The following PEX3 variants were observed in gnomAD, a reference collection of about 807,000 sequenced individuals.
The protein encoded by PEX3 is peroxin-3.
A neutral mutation model predicts 55.8 loss-of-function variants in PEX3; 30 were observed. The observed-to-expected ratio is 0.54, with a 90% CI of 0.40 to 0.73. The LOEUF (loss-of-function observed/expected upper bound fraction) is 0.73, where lower values mean the gene tolerates loss of function less well. Ranked by LOEUF, PEX3 falls within the 30% of genes least tolerant of loss-of-function variation. PEX3 has a pLI of 0.00. For missense variants in PEX3, 351 were observed against 432.8 expected (o/e 0.81, Z 1.68); for synonymous variants, 135 against 148.4 (o/e 0.91, Z 0.66).
rs1262927868 is a variant in PEX3, at chr6:143,459,873, C to T, written c.205+657C>T. Among the ~76,000 whole-genome samples the T allele has an allele frequency of 2.0e-5, 3 of 152,180 alleles. No individual in the cohort carries two copies. Among genetic ancestry groups the T allele is most frequent in the African/African-American group, 7.2e-5 (3 of 41,422 alleles). Reference sequence around the variant, plus strand: ...CAACTATAGACCTGTGAGTCGTCCACAATAGTATACACTCAGGCAATGTTA... The same window carrying T: ...CAACTATAGACCTGTGAGTCGTCCATAATAGTATACACTCAGGCAATGTTA... On this transcript the variant is annotated intron_variant, in intron 2 of 11. Transcript: ENST00000367591. This position sits in a 1 kb window ranked among gnomAD's most constrained non-coding sequence, Gnocchi z 4.2.
rs748456607 is a variant in PEX3, at chr6:143,471,529, G to C, written c.524-28G>C. On this transcript the variant is annotated intron_variant, in intron 6 of 11. Transcript: ENST00000367591. This position sits in a 1 kb window ranked among gnomAD's most constrained non-coding sequence, Gnocchi z 5.4. ...TTGAGGAATTTTTAAACTAAGCAAG[G>C]CTTTTAGGTTTGTTTTTTCTTTAAT... 3 of 1,590,484 alleles carry C rather than the reference G, an allele frequency of 1.9e-6. No individual in the cohort carries two copies. Among genetic ancestry groups the C allele is most frequent in the African/African-American group, 2.7e-5 (2 of 74,468 alleles).
intron 1 of PEX3, among the ~76,000 whole-genome samples, chr6:143,455,638 A>G (rs1192652425): frequency 6.6e-6 from 1 of 152,180 alleles, no homozygotes; most frequent in Non-Finnish European, 1.5e-5. Context: ...GAAGGATTCT[A>G]AAAACATGAG....
chr6:143,488,932 C>T lies in PEX3; in HGVS notation c.1039-211C>T, dbSNP rs1203315647. ...TTTGTCCCTCAAAGTCACACTTGAA[C>T]GCTTATGATACCATCATCCCTCATA... is the stretch of plus-strand genomic sequence containing the variant. On this transcript the variant is annotated intron_variant, in intron 11 of 11. Transcript: ENST00000367591. The surrounding 1 kb of genome is among the most constrained non-coding windows in gnomAD (Gnocchi z 4.9). Among the ~76,000 whole-genome samples, 1 of 152,070 alleles carries T rather than the reference C, an allele frequency of 6.6e-6. No individual in the cohort carries two copies. The highest frequency in any genetic ancestry group is 1.9e-4 in the East Asian group (1 of 5,190).
At position 143,487,686 on chromosome 6, in the gene PEX3, T is replaced by C. The variant is rs936995855; in HGVS notation, c.1039-1457T>C. Among the ~76,000 whole-genome samples the C allele has an allele frequency of 3.3e-5, 5 of 152,152 alleles. No individual in the cohort carries two copies. The highest frequency in any genetic ancestry group is 1.9e-4 in the East Asian group (1 of 5,202). On this transcript the variant is annotated intron_variant, in intron 11 of 11. Coordinates refer to ENST00000367591, the MANE Select transcript of PEX3 (RefSeq NM_003630.3). This position sits in a 1 kb window ranked among gnomAD's most constrained non-coding sequence, Gnocchi z 5.3. Reference sequence around the variant, plus strand: ...GACCTGTCTGCTACTGTTCATGCTGTTGAGCATTCAGCCTGCATTTTCTGA... The same window carrying C: ...GACCTGTCTGCTACTGTTCATGCTGCTGAGCATTCAGCCTGCATTTTCTGA...
rs1157637718 is a variant in PEX3 at position 143,489,045 on chromosome 6, A to G, written c.1039-98A>G. The G allele has an allele frequency of 3.6e-6, 3 of 842,572 alleles. No individual in the cohort carries two copies. The highest frequency in any genetic ancestry group is 3.5e-5 in the Admixed American group (2 of 56,352). The allele number at this position is 842,572 out of a possible 1,614,324, so 52.2% of individuals were successfully genotyped here. ...AATGGTTTGCCTCTTGGCCTTTACC[A>G]CAAAACTTAGAGCTGAATTCATCGC... On this transcript the variant is annotated intron_variant, in intron 11 of 11. Coordinates refer to ENST00000367591, the MANE Select transcript of PEX3 (RefSeq NM_003630.3). This position sits in a 1 kb window ranked among gnomAD's most constrained non-coding sequence, Gnocchi z 5.5.
chr6:143,484,294 G>A (rs1286841651), intron 10 of PEX3, among the ~76,000 whole-genome samples: 2 of 152,008 alleles, frequency 1.3e-5, no homozygotes, highest in Non-Finnish European at 2.9e-5. Context: ...TGTAGTCCAG[G>A]CAAGAGATAA....
chr6:143,471,270 AT>A lies in PEX3; in HGVS notation c.457-108del. 9.4e-7 allele frequency: 1 copy of A among 1,064,622 alleles called. No individual in the cohort carries two copies. Among genetic ancestry groups the A allele is most frequent in the South Asian group, 1.4e-5 (1 of 72,088 alleles). 65.9% of individuals were successfully genotyped at this position (1,064,622 alleles called of 1,614,324 possible). A position where few individuals can be genotyped will look rare whatever the true frequency, so the allele number is the denominator to read the frequency against. The stretch of plus-strand genomic sequence containing the variant: ...AATTTTTGGTGTGTTAAAAATTACT[AT>A]TTTTCCCGTCATTTCAGATCTTGAA... On this transcript the variant is annotated intron_variant, in intron 5 of 11. Transcript: ENST00000367591. The surrounding 1 kb of genome is among the most constrained non-coding windows in gnomAD (Gnocchi z 5.4).
Position 143,451,532 on chromosome 6 carries a change from G to A in PEX3, c.73+417G>A, listed in dbSNP as rs1256783529. Among the ~76,000 whole-genome samples the A allele has an allele frequency of 6.6e-6, 1 of 152,222 alleles. No individual in the cohort carries two copies. Among genetic ancestry groups the A allele is most frequent in the Non-Finnish European group, 1.5e-5 (1 of 68,044 alleles). ...AGGAGTTTAATAATAATCTAGGGAAGTTACCTATAGGCTGCACTTCGGGTG... is the reference window on the plus strand; with the variant it reads ...AGGAGTTTAATAATAATCTAGGGAAATTACCTATAGGCTGCACTTCGGGTG... On this transcript the variant is annotated intron_variant, in intron 1 of 11. Coordinates refer to ENST00000367591, the MANE Select transcript of PEX3 (RefSeq NM_003630.3). The surrounding 1 kb of genome is among the most constrained non-coding windows in gnomAD (Gnocchi z 4.1).
Position 143,483,730 on chromosome 6 carries a change from G to A in PEX3, c.942-1422G>A, listed in dbSNP as rs1780274230. On this transcript the variant is annotated intron_variant, in intron 10 of 11. Transcript: ENST00000367591. This position sits in a 1 kb window ranked among gnomAD's most constrained non-coding sequence, Gnocchi z 4.3. ...ATTGGGTAAACAGGGACTGGGGCAG[G>A]ACAGACAAATGGATGAATGAAGACT... Among the ~76,000 whole-genome samples the A allele has an allele frequency of 6.6e-6, 1 of 152,076 alleles. No homozygotes were observed. Among genetic ancestry groups the A allele is most frequent in the East Asian group, 1.9e-4 (1 of 5,196 alleles).
chr6:143,451,057 A>G lies in PEX3; in HGVS notation c.15A>G (p.Val5=), dbSNP rs1322815851. 1.2e-6 allele frequency: 2 copies of G among 1,613,214 alleles called. No homozygotes were observed. The highest frequency in any genetic ancestry group is 2.7e-5 in the African/African-American group (2 of 74,888). ...AGGGCCTAAAGATGCTGAGGTCTGTATGGAATTTTCTGAAACGCCACAAAA... is the reference window on the plus strand; with the variant it reads ...AGGGCCTAAAGATGCTGAGGTCTGTGTGGAATTTTCTGAAACGCCACAAAA... MLRS[V]WNFLKRHKKK... is the part of the protein sequence containing the mutation. Residue 5 remains valine, a synonymous_variant, in exon 1 of 12, where the codon GTA becomes GTG. Coordinates refer to ENST00000367591, the MANE Select transcript of PEX3 (RefSeq NM_003630.3). This position sits in a 1 kb window ranked among gnomAD's most constrained non-coding sequence, Gnocchi z 4.1.
chr6:143,479,957 A>G lies in PEX3; in HGVS notation c.941+759A>G, dbSNP rs916864913. Among the ~76,000 whole-genome samples the G allele has an allele frequency of 2.0e-5, 3 of 152,082 alleles. No homozygotes were observed. Among genetic ancestry groups the G allele is most frequent in the Non-Finnish European group, 2.9e-5 (2 of 67,946 alleles). ...AAATTTGAGACACATCCTTTGAAGT[A>G]GCTTTAAAATTTTTTTTTTAATTGG... is the stretch of plus-strand genomic sequence containing the variant. On this transcript the variant is annotated intron_variant, in intron 10 of 11. Transcript: ENST00000367591. This position sits in a 1 kb window ranked among gnomAD's most constrained non-coding sequence, Gnocchi z 4.6.
rs1412007763 is a variant in PEX3 at position 143,485,446 on chromosome 6, T to G, written c.1038+198T>G. On this transcript the variant is annotated intron_variant, in intron 11 of 11. Transcript: ENST00000367591. The surrounding 1 kb of genome is among the most constrained non-coding windows in gnomAD (Gnocchi z 5.6). ...AGCAAATGTGTAAGTTTGGAGTACC[T>G]TTCTCCGTGTTGTAGTCCAACACTG... Among the ~76,000 whole-genome samples the G allele has an allele frequency of 6.6e-6, 1 of 152,046 alleles. No individual in the cohort carries two copies. The highest frequency in any genetic ancestry group is 2.4e-5 in the African/African-American group (1 of 41,398).
chr6:143,456,555 C>T (rs1157264384), intron 1 of PEX3, among the ~76,000 whole-genome samples: 1 of 152,204 alleles, frequency 6.6e-6, no homozygotes, highest in Non-Finnish European at 1.5e-5. Context: ...TTGGTTCCTT[C>T]TGCAGAGTGT....
In PEX3 at chr6:143,462,996, A is replaced by G. The variant is rs1779946050; in HGVS notation, c.286A>G (p.Arg96Gly). ...GAGCCTCACAGCTCTGCTAAAAAAC[A>G]GGTAAATGCAAGTTACAGCATTTTC... ...SESLTALLKN[R>G]PSNKLEIWED... is the part of the protein sequence containing the mutation. Residue 96 changes from arginine (R) to glycine (G), a missense_variant and splice_region_variant, in exon 3 of 12, where the codon AGG becomes GGG. Coordinates refer to ENST00000367591, the MANE Select transcript of PEX3 (RefSeq NM_003630.3). The surrounding 1 kb of genome is among the most constrained non-coding windows in gnomAD (Gnocchi z 4.1). The G allele has an allele frequency of 6.2e-7, 1 of 1,608,832 alleles. No individual in the cohort carries two copies.
rs991073567 is a variant in PEX3 at position 143,463,365 on chromosome 6, T to G, written c.287+368T>G. ...TGCTTCTTTCTGAAAGAGCTTACGG[T>G]GTAATACAGCATGTGAACATACGTT... On this transcript the variant is annotated intron_variant, in intron 3 of 11. Transcript: ENST00000367591. This position sits in a 1 kb window ranked among gnomAD's most constrained non-coding sequence, Gnocchi z 5.7. Among the ~76,000 whole-genome samples, 8 of 152,230 alleles carry G rather than the reference T, an allele frequency of 5.3e-5. No homozygotes were observed. The highest frequency in any genetic ancestry group is 2.6e-4 in the Admixed American group (4 of 15,286).
rs147912686 is a variant in PEX3, at chr6:143,464,488, A to T, written c.287+1491A>T. On this transcript the variant is annotated intron_variant, in intron 3 of 11. Coordinates refer to ENST00000367591, the MANE Select transcript of PEX3 (RefSeq NM_003630.3). This position sits in a 1 kb window ranked among gnomAD's most constrained non-coding sequence, Gnocchi z 5.8. Reference sequence around the variant, plus strand: ...AAAAGTAAAAGGAAAATTTAGGAGTATCAAAAAAACCAAAGGATTAATTTT... The same window carrying T: ...AAAAGTAAAAGGAAAATTTAGGAGTTTCAAAAAAACCAAAGGATTAATTTT... 1.2e-4 allele frequency among the ~76,000 whole-genome samples: 19 copies of T among 152,166 alleles called. No individual in the cohort carries two copies. The East Asian group carries it at 3.5e-3, about 28-fold the overall frequency.
rs1274889926 is a variant in PEX3 at position 143,453,499 on chromosome 6, T to G, written c.73+2384T>G. 6.6e-6 allele frequency among the ~76,000 whole-genome samples: 1 copy of G among 151,986 alleles called. No homozygotes were observed. Among genetic ancestry groups the G allele is most frequent in the Non-Finnish European group, 1.5e-5 (1 of 68,000 alleles). ...GGTTTGGGTGTGTTCGGGTTTTGTGTTTTTTTGTTTTTTTGTTTTTCAGAC... is the reference window on the plus strand; with the variant it reads ...GGTTTGGGTGTGTTCGGGTTTTGTGGTTTTTTGTTTTTTTGTTTTTCAGAC... On this transcript the variant is annotated intron_variant, in intron 1 of 11. Coordinates refer to ENST00000367591, the MANE Select transcript of PEX3 (RefSeq NM_003630.3). This position sits in a 1 kb window ranked among gnomAD's most constrained non-coding sequence, Gnocchi z 4.6.
rs776224369 is a variant in PEX3, at chr6:143,485,066, A to G, written c.942-86A>G. On this transcript the variant is annotated intron_variant, in intron 10 of 11. Coordinates refer to ENST00000367591, the MANE Select transcript of PEX3 (RefSeq NM_003630.3). The surrounding 1 kb of genome is among the most constrained non-coding windows in gnomAD (Gnocchi z 5.6). Reference sequence around the variant, plus strand: ...AATAGATTTCCAAAAATATTCTACAATGGCTATGTATTACTTTTATAATTA... The same window carrying G: ...AATAGATTTCCAAAAATATTCTACAGTGGCTATGTATTACTTTTATAATTA... 14 of 792,436 alleles carry G rather than the reference A, an allele frequency of 1.8e-5. No homozygotes were observed. The highest frequency in any genetic ancestry group is 3.2e-5 in the Non-Finnish European group (14 of 442,592). 49.1% of individuals were successfully genotyped at this position (792,436 alleles called of 1,614,324 possible).
chr6:143,474,246 G>A (rs7751011), intron 8 of PEX3, among the ~76,000 whole-genome samples: 32,991 of 151,962 alleles, frequency 0.22, 3,701 homozygotes, highest in Non-Finnish European at 0.22. Flanking sequence ...TCAGGAGTTC[G>A]AGACCAGTCT....
Sources: gnomAD v4.1 joint callset for allele counts (sites outside exome capture counted in the v4.1 genomes callset) on GRCh38, gnomAD v4.1.1 for gene constraint, Gnocchi (gnomAD v3.1) non-coding constraint, MANE v1.5 for transcripts, NCBI Gene and HGNC (gene_info 2026-07-23, HGNC 2026-07-21) for gene names.